Variants in LRRN1 observed in about 807,000 individuals in gnomAD.
LRRN1 encodes the protein leucine rich repeat neuronal 1.
LRRN1 carries 14 observed loss-of-function variants against 45.8 expected under a neutral mutation model. That is an observed-to-expected ratio of 0.31 (90% CI 0.20 to 0.48). The LOEUF (loss-of-function observed/expected upper bound fraction) is 0.48. Ranked by LOEUF, LRRN1 falls within the 20% of genes least tolerant of loss-of-function variation. The probability of loss-of-function intolerance (pLI) is 0.99; values close to 1 mark genes in which losing one functional copy is unlikely to be tolerated. For synonymous variants in LRRN1, 359 were observed against 330.1 expected, an observed-to-expected ratio of 1.09 and a Z score of -0.95; for missense variants, 789 against 874.2, an observed-to-expected ratio of 0.90 and a Z score of 1.23.
At chr3:3,826,613 T>G (rs533232424) in intron 1 of LRRN1, among the ~76,000 whole-genome samples, 6 of 152,208 alleles carry the variant, frequency 3.9e-5, no homozygotes, top group African/African-American at 1.4e-4. Flanking sequence ...CTTAATGCAT[T>G]ACGGAGACTA....
At chr3:3,808,927 AT>A (rs1325000582) in intron 1 of LRRN1, among the ~76,000 whole-genome samples, 3 of 152,212 alleles carry the variant, frequency 2.0e-5, no homozygotes, top group African/African-American at 7.2e-5. Context: ...ATCATTTTAA[AT>A]GGATGAGAAT....
Position 3,821,261 on chromosome 3 carries a change from C to T in LRRN1, c.-279+21342C>T, listed in dbSNP as rs1024724353. ...AGTCAATTGAAATAAAATGTGAAACCTCCATTTCTCATTCCCACCAGCTAC... is the reference window on the plus strand; with the variant it reads ...AGTCAATTGAAATAAAATGTGAAACTTCCATTTCTCATTCCCACCAGCTAC... On this transcript the variant is annotated intron_variant, in intron 1 of 1. Transcript: ENST00000319331. Among the ~76,000 whole-genome samples the T allele has an allele frequency of 6.6e-5, 10 of 152,140 alleles. No homozygotes were observed. In the South Asian group the frequency reaches 1.0e-3, roughly 16 times the overall value.
chr3:3,829,243 C>CTTCTTAGCCTGTTGACTTAAAGG (rs1439548462), intron 1 of LRRN1, among the ~76,000 whole-genome samples: 11 of 152,086 alleles, frequency 7.2e-5, no homozygotes, highest in Non-Finnish European at 1.5e-4. Flanking sequence ...CTGTAACTCC[C>CTTCTTAGCCTGTTGACTTAAAGG]TTCTTAGCCT....
In LRRN1 at chr3:3,845,965, A is replaced by G. The variant is rs1321646575; in HGVS notation, c.1324A>G (p.Thr442Ala). ...PNRLNVDIGT[T>A]VFLDCRAMAE... The stretch of plus-strand genomic sequence containing the variant: ...TCGTTTAAACGTGGATATCGGCACG[A>G]CGGTTTTCCTAGACTGTCGAGCCAT... Residue 442 changes from threonine (T) to alanine (A), a missense_variant, in exon 2 of 2, where the codon ACG (threonine) becomes GCG (alanine). Physicochemically the swap from Thr to Ala is moderately conservative, Grantham distance 58. Coordinates refer to ENST00000319331, the MANE Select transcript of LRRN1 (RefSeq NM_020873.7). The surrounding 1 kb of genome is among the most constrained non-coding windows in gnomAD (Gnocchi z 6.5). 1.2e-6 allele frequency: 2 copies of G among 1,614,012 alleles called. No homozygotes were observed. The highest frequency in any genetic ancestry group is 2.7e-5 in the African/African-American group (2 of 74,942).
At chr3:3,834,905 G>C (rs1191296998) in intron 1 of LRRN1, among the ~76,000 whole-genome samples, 2 of 151,994 alleles carry the variant, frequency 1.3e-5, no homozygotes, top group African/African-American at 4.8e-5. Flanking sequence ...TGACTCAAAT[G>C]TTAATTTCTT....
At chr3:3,830,123 A>G (rs1693333652) in intron 1 of LRRN1, among the ~76,000 whole-genome samples, 1 of 152,166 alleles carries the variant, frequency 6.6e-6, no homozygotes, top group Admixed American at 6.5e-5. Context: ...TGGCTGGGGA[A>G]AGAGGCTGAG....
chr3:3,818,831 G>C (rs1186434893), intron 1 of LRRN1, among the ~76,000 whole-genome samples: 1 of 152,132 alleles, frequency 6.6e-6, no homozygotes, highest in African/African-American at 2.4e-5. Flanking sequence ...AGGATATACA[G>C]GCAACAGTAG....
Position 3,839,685 on chromosome 3 carries a change from C to T in LRRN1, c.-278-4679C>T, listed in dbSNP as rs528349298. On this transcript the variant is annotated intron_variant, in intron 1 of 1. Coordinates refer to ENST00000319331, the MANE Select transcript of LRRN1 (RefSeq NM_020873.7). The stretch of plus-strand genomic sequence containing the variant: ...TTATCTCTTAACAATTTTCATTGTA[C>T]AAGTCTTTTGCCTCCTCAGTTCGAT... 2.6e-5 allele frequency among the ~76,000 whole-genome samples: 4 copies of T among 152,074 alleles called. No individual in the cohort carries two copies. The East Asian group carries it at 7.7e-4, about 29-fold the overall frequency.
chr3:3,803,537 G>A (rs1386974), intron 1 of LRRN1, among the ~76,000 whole-genome samples: 150,410 of 152,318 alleles, frequency 0.99, 74,288 homozygotes, highest in Middle Eastern at 1. Flanking sequence ...CTGAACATCT[G>A]TTTTGGGTTA....
chr3:3,819,675 T>G (rs1481099484), intron 1 of LRRN1, among the ~76,000 whole-genome samples: 1 of 152,184 alleles, frequency 6.6e-6, no homozygotes, highest in Non-Finnish European at 1.5e-5. Context: ...TCCAGTAGTC[T>G]ACTCCTCATC....
chr3:3,846,468 C>T lies in LRRN1; in HGVS notation c.1827C>T (p.Cys609=), dbSNP rs34745501. The change falls in exon 2 of 2, where the codon TGC becomes TGT. Residue 609 remains cysteine, a synonymous_variant. Transcript: ENST00000319331. This position sits in a 1 kb window ranked among gnomAD's most constrained non-coding sequence, Gnocchi z 5.7. ...TTCATCAGCAGACTCAAAAGTCATG[C>T]GTAAATGTCACAACCAAAAATGCCG... The part of the protein sequence containing the change: ...SNIHQQTQKS[C]VNVTTKNAAF... The T allele has an allele frequency of 3.8e-3, 6,053 of 1,614,108 alleles. 21 individuals are homozygous for T. The highest frequency in any genetic ancestry group is 5.9e-3 in the Middle Eastern group (36 of 6,062).
intron 1 of LRRN1, among the ~76,000 whole-genome samples, chr3:3,825,932 G>C (rs1469088291): frequency 6.6e-6 from 1 of 152,036 alleles, no homozygotes; most frequent in Non-Finnish European, 1.5e-5. Flanking sequence ...CACCATTATA[G>C]ATGCTATTTT....
At chr3:3,842,355 C>A (rs1165581774) in intron 1 of LRRN1, among the ~76,000 whole-genome samples, 3 of 151,654 alleles carry the variant, frequency 2.0e-5, no homozygotes, top group African/African-American at 7.3e-5. Flanking sequence ...CACACTTATA[C>A]AATCATTTCC....
At chr3:3,800,488 A>G (rs1360198534) in intron 1 of LRRN1, among the ~76,000 whole-genome samples, 1 of 152,084 alleles carries the variant, frequency 6.6e-6, no homozygotes, top group Admixed American at 6.5e-5. Context: ...CACTGAAAGT[A>G]TTGAAGTCAG....
At chr3:3,834,860 C>G (rs1455805470) in intron 1 of LRRN1, among the ~76,000 whole-genome samples, 1 of 151,886 alleles carries the variant, frequency 6.6e-6, no homozygotes, top group East Asian at 2.0e-4. Flanking sequence ...ATTGTCCCCA[C>G]CAGATTAAGG....
rs894510199 is a variant in LRRN1 at position 3,816,661 on chromosome 3, A to G, written c.-279+16742A>G. 6.6e-5 allele frequency among the ~76,000 whole-genome samples: 10 copies of G among 152,218 alleles called. No individual in the cohort carries two copies. The highest frequency in any genetic ancestry group is 2.4e-4 in the African/African-American group (10 of 41,456). Reference sequence around the variant, plus strand: ...AGGTATTACAATTTGAAACTATAAAAGCTTTCTAGGAAACCTTCAGTCAAA... The same window carrying G: ...AGGTATTACAATTTGAAACTATAAAGGCTTTCTAGGAAACCTTCAGTCAAA... On this transcript the variant is annotated intron_variant, in intron 1 of 1. Coordinates refer to ENST00000319331, the MANE Select transcript of LRRN1 (RefSeq NM_020873.7). The surrounding 1 kb of genome is among the most constrained non-coding windows in gnomAD (Gnocchi z 4.0).
chr3:3,835,747 ACACAATGC>A (rs1361557911), intron 1 of LRRN1, among the ~76,000 whole-genome samples: 1 of 152,078 alleles, frequency 6.6e-6, no homozygotes, highest in African/African-American at 2.4e-5. Context: ...ATCCTATCTG[ACACAATGC>A]TATGGGGAAA....
chr3:3,835,087 G>A (rs1693478488), intron 1 of LRRN1, among the ~76,000 whole-genome samples: 1 of 152,106 alleles, frequency 6.6e-6, no homozygotes, highest in South Asian at 2.1e-4. Flanking sequence ...TTAGCCTTAA[G>A]TTTAGCTATG....
intron 1 of LRRN1, among the ~76,000 whole-genome samples, chr3:3,822,046 C>T (rs1207242570): frequency 1.3e-5 from 2 of 152,208 alleles, no homozygotes; most frequent in African/African-American, 2.4e-5. Context: ...GATTTGGGTT[C>T]TGGCATCAGA....
Sources: gnomAD v4.1 joint callset for allele counts (sites outside exome capture counted in the v4.1 genomes callset) on GRCh38, gnomAD v4.1.1 for gene constraint, Gnocchi (gnomAD v3.1) non-coding constraint, MANE v1.5 for transcripts, NCBI Gene and HGNC (gene_info 2026-07-23, HGNC 2026-07-21) for gene names.